The following ARHGEF1 variants were observed in gnomAD, a reference collection of about 807,000 sequenced individuals.
ARHGEF1 encodes Rho guanine nucleotide exchange factor 1.
A neutral mutation model predicts 119.7 loss-of-function variants in ARHGEF1; 40 were observed. That is an observed-to-expected ratio of 0.33 (90% CI 0.26 to 0.44). ARHGEF1 has a LOEUF of 0.44. Among genes scored for constraint, ARHGEF1 ranks in the 20% least tolerant of loss-of-function variants. The probability of loss-of-function intolerance (pLI) is 1.00; values close to 1 mark genes in which losing one functional copy is unlikely to be tolerated. For missense variants in ARHGEF1, 976 were observed against 1,268.3 expected, an observed-to-expected ratio of 0.77 and a Z score of 3.50; for synonymous variants, 494 against 521.0, an observed-to-expected ratio of 0.95 and a Z score of 0.71.
At chr19:41,891,521 T>G (rs2074376243) in intron 4 of ARHGEF1, among the ~76,000 whole-genome samples, 1 of 152,224 alleles carries the variant, frequency 6.6e-6, no homozygotes, top group Non-Finnish European at 1.5e-5. Context: ...TGACCTCATG[T>G]GATCCACCTG....
rs1205179098 is a variant in ARHGEF1, at chr19:41,928,857, C to T, written c.169C>T (p.Arg57Ter). 2.2e-6 allele frequency: 1 copy of T among 453,996 alleles called. No individual in the cohort carries two copies. Among genetic ancestry groups the T allele is most frequent in the East Asian group, 7.0e-5 (1 of 14,304 alleles). The allele number at this position is 453,996 out of a possible 1,614,324, so 28.1% of individuals were successfully genotyped here. A position where few individuals can be genotyped will look rare whatever the true frequency, so the allele number is the denominator to read the frequency against. ...GGACGCGCGGACAAACGGACAGGCG[C>T]GAGGTGGAGGTGGCGACGATGCGTC... The change falls in exon 2 of 3, where the codon CGA becomes TGA. Residue 57 changes from arginine (R) to a stop codon, truncating the protein, a stop_gained. Coordinates refer to the ARHGEF1 transcript ENST00000594417. LOFTEE classifies it high-confidence loss of function.
Position 41,902,840 on chromosome 19 carries a change from G to A in ARHGEF1, c.1680G>A (p.Thr560=), listed in dbSNP as rs782536666. The part of the protein sequence containing the change: ...RRLQLKDMIP[T]EMQRLTKYPL... ...TGCAGCTGAAGGACATGATCCCCAC[G>A]GAGATGCAGCGGCTGACCAAGTACC... Residue 560 remains threonine, a synonymous_variant, in exon 18 of 29, where the codon ACG becomes ACA. Transcript: ENST00000354532. This position sits in a 1 kb window ranked among gnomAD's most constrained non-coding sequence, Gnocchi z 6.5. 15 of 1,613,178 alleles carry A rather than the reference G, an allele frequency of 9.3e-6. No homozygotes were observed. The highest frequency in any genetic ancestry group is 2.2e-5 in the East Asian group (1 of 44,898).
In ARHGEF1 at chr19:41,917,935, T is replaced by C. The variant is rs1308179772; in HGVS notation, c.1866-5157T>C. 2.6e-5 allele frequency among the ~76,000 whole-genome samples: 4 copies of C among 151,848 alleles called. No individual in the cohort carries two copies. The highest frequency in any genetic ancestry group is 9.7e-5 in the African/African-American group (4 of 41,258). On this transcript the variant is annotated intron_variant, in intron 18 of 20. Coordinates refer to the ARHGEF1 transcript ENST00000599589. This position sits in a 1 kb window ranked among gnomAD's most constrained non-coding sequence, Gnocchi z 4.8. ...CCCGCGGTCACACACTGTGTGTGTG[T>C]GTGCTCACACACCTGTCCGTCCAGA...
chr19:41,905,872 C>G lies in ARHGEF1; in HGVS notation c.2404+45C>G. 2 of 1,613,642 alleles carry G rather than the reference C, an allele frequency of 1.2e-6. No individual in the cohort carries two copies. The highest frequency in any genetic ancestry group is 1.7e-6 in the Non-Finnish European group (2 of 1,179,610). On this transcript the variant is annotated intron_variant, in intron 25 of 28. Coordinates refer to ENST00000354532, the MANE Select transcript of ARHGEF1 (RefSeq NM_004706.4). This position sits in a 1 kb window ranked among gnomAD's most constrained non-coding sequence, Gnocchi z 6.4. ...GGGTGAGGGGCCAGGTTGGGGCTGC[C>G]GGGTGAAGAGAGGCATCCACAGGAG...
chr19:41,896,372 C>T lies in ARHGEF1; in HGVS notation c.1016-5C>T, dbSNP rs201322553. 1.4e-4 allele frequency: 204 copies of T among 1,427,076 alleles called. No individual in the cohort carries two copies. In the African/African-American group the frequency reaches 2.6e-3, roughly 18 times the overall value. The allele number at this position is 1,427,076 out of a possible 1,614,324, so 88.4% of individuals were successfully genotyped here. ...CCAGCCAGCCCTGCTCCCTCCACCCCACAGGTGCTGACGCCCCCCTGGAGC... is the reference window on the plus strand; with the variant it reads ...CCAGCCAGCCCTGCTCCCTCCACCCTACAGGTGCTGACGCCCCCCTGGAGC... On this transcript the variant is annotated splice_polypyrimidine_tract_variant and splice_region_variant and intron_variant, in intron 12 of 28. Transcript: ENST00000354532.
Position 41,901,997 on chromosome 19 carries a change from A to G in ARHGEF1, c.1378A>G (p.Ile460Val), listed in dbSNP as rs2074611699. The G allele has an allele frequency of 6.2e-7, 1 of 1,613,904 alleles. No homozygotes were observed. ...CTTCCCCTTGGAGGAGCTGCAGAAC[A>G]TCTTCCCCAGCCTGGACGAGCTCAT... is the stretch of plus-strand genomic sequence containing the variant. ...LFFPLEELQN[I>V]FPSLDELIEV... Residue 460 changes from isoleucine (I) to valine (V), a missense_variant, in exon 15 of 29, where the codon ATC (isoleucine) becomes GTC (valine). Ile to Val is a conservative substitution (Grantham distance 29). This residue lies in a region of ARHGEF1 where 286 missense variants were observed against 506.8 expected (regional missense o/e 0.56). Coordinates refer to ENST00000354532, the MANE Select transcript of ARHGEF1 (RefSeq NM_004706.4).
chr19:41,909,204 C>T, downstream of ARHGEF1: 7 of 1,231,448 alleles, frequency 5.7e-6, no homozygotes, highest in South Asian at 4.1e-5. This position sits in a 1 kb window ranked among gnomAD's most constrained non-coding sequence, Gnocchi z 5.2. Flanking sequence ...AGAAGCCGCC[C>T]TTCTCAGACT....
upstream of ARHGEF1, among the ~76,000 whole-genome samples, chr19:41,918,424 T>TCACA (rs201443484): frequency 2.7e-4 from 35 of 131,640 alleles, no homozygotes; most frequent in African/African-American, 8.9e-4. Flanking sequence ...CACACACATA[T>TCACA]CACACACACA....
intron 18 of ARHGEF1, among the ~76,000 whole-genome samples, chr19:41,915,294 C>T (rs547020804): frequency 3.3e-5 from 5 of 151,674 alleles, no homozygotes; most frequent in East Asian, 2.0e-4. Context: ...GTCTCACACG[C>T]GTCTCTGCCA....
At chr19:41,895,618 T>C in intron 12 of ARHGEF1, 132 bp downstream of exon 12, 1 of 977,262 alleles carries the variant, frequency 1.0e-6, no homozygotes, top group Non-Finnish European at 1.5e-6. Context: ...CATCCACTTC[T>C]CCCTGCTCCT....
intron 18 of ARHGEF1, among the ~76,000 whole-genome samples, chr19:41,915,812 G>A (rs1555851906): frequency 6.6e-6 from 1 of 152,142 alleles, no homozygotes; most frequent in Admixed American, 6.5e-5. Context: ...ACTGATGGAG[G>A]GAGCGCGGCC....
In ARHGEF1 at chr19:41,904,310, C is replaced by T; in HGVS notation, c.2088C>T (p.Pro696=). Residue 696 remains proline, a synonymous_variant, in exon 22 of 29, where the codon CCC becomes CCT. Coordinates refer to ENST00000354532, the MANE Select transcript of ARHGEF1 (RefSeq NM_004706.4). This position sits in a 1 kb window ranked among gnomAD's most constrained non-coding sequence, Gnocchi z 8.4. ...AGTCCCATAGCCGGACACTGACGCC[C>T]ACGCCCGATGGCAAGACCATGCTGC... ...LLKSHSRTLT[P]TPDGKTMLRP... The T allele has an allele frequency of 6.2e-7, 1 of 1,610,316 alleles. No individual in the cohort carries two copies. The highest frequency in any genetic ancestry group is 2.2e-5 in the East Asian group (1 of 44,794).
Position 41,892,833 on chromosome 19 carries a change from C to G in ARHGEF1, c.598C>G (p.His200Asp), listed in dbSNP as rs782117361. 6.4e-7 allele frequency: 1 copy of G among 1,558,828 alleles called. No homozygotes were observed. Among genetic ancestry groups the G allele is most frequent in the Non-Finnish European group, 8.6e-7 (1 of 1,156,178 alleles). The change falls in exon 7 of 29, where the codon CAC becomes GAC. Residue 200 changes from histidine (H) to aspartate (D), a missense_variant. His to Asp is a moderately conservative substitution (Grantham distance 81). Transcript: ENST00000354532. The surrounding 1 kb of genome is among the most constrained non-coding windows in gnomAD (Gnocchi z 6.3). ...GCACGTGGCGGAGCGGCTGCTCATG[C>G]ACCTGGAGGAGATGCAGTGAGTAGG... The part of the protein sequence containing the change: ...ERHVAERLLM[H>D]LEEMQHTIST...
chr19:41,907,086 C>A lies in ARHGEF1; in HGVS notation c.*18-19C>A. 6.7e-7 allele frequency: 1 copy of A among 1,491,934 alleles called. No individual in the cohort carries two copies. Among genetic ancestry groups the A allele is most frequent in the Non-Finnish European group, 8.9e-7 (1 of 1,127,634 alleles). 92.4% of individuals were successfully genotyped at this position (1,491,934 alleles called of 1,614,324 possible). The stretch of plus-strand genomic sequence containing the variant: ...CTCTCCATCTCTCCCCGTCTCCCCT[C>A]TTCTCCTACATCCCCCAGGCCTTTT... On this transcript the variant is annotated intron_variant, in intron 28 of 28. Coordinates refer to ENST00000354532, the MANE Select transcript of ARHGEF1 (RefSeq NM_004706.4).
intron 11 of ARHGEF1, 86 bp downstream of exon 11, chr19:41,894,747 G>T: frequency 7.0e-7 from 1 of 1,427,776 alleles, no homozygotes; most frequent in South Asian, 1.4e-5. Flanking sequence ...AGGGAGGAGG[G>T]GCTGGGACCT....
chr19:41,927,262 C>T (rs900340795), intron 1 of ARHGEF1, among the ~76,000 whole-genome samples: 3 of 152,020 alleles, frequency 2.0e-5, no homozygotes, highest in Non-Finnish European at 4.4e-5. Context: ...AAAGGGTGTC[C>T]CAGAGGGCCC....
In ARHGEF1 at chr19:41,888,060, C is replaced by T. The variant is rs2074321605; in HGVS notation, c.-19-4C>T. 6.2e-7 allele frequency: 1 copy of T among 1,612,624 alleles called. No individual in the cohort carries two copies. The highest frequency in any genetic ancestry group is 8.5e-7 in the Non-Finnish European group (1 of 1,179,814). On this transcript the variant is annotated splice_region_variant and splice_polypyrimidine_tract_variant and intron_variant, in intron 1 of 28. Transcript: ENST00000354532. This position sits in a 1 kb window ranked among gnomAD's most constrained non-coding sequence, Gnocchi z 5.1. ...CCTAACCACAGCCCCTCCTCTTCCT[C>T]CAGCCCTGCAGAGCCCAGGGAGATG...
At chr19:41,918,807 ACAC>A (rs565148199), upstream of ARHGEF1, among the ~76,000 whole-genome samples, 125 of 149,428 alleles carry the variant, frequency 8.4e-4, no homozygotes, top group East Asian at 1.8e-3. Context: ...CCATACACAC[ACAC>A]CACATCACTC....
upstream of ARHGEF1, among the ~76,000 whole-genome samples, chr19:41,918,655 C>T (rs554730049): frequency 6.6e-6 from 1 of 150,448 alleles, no homozygotes; most frequent in Non-Finnish European, 1.5e-5. Flanking sequence ...ACACACAGTA[C>T]ATACACTACC....
Sources: gnomAD v4.1 joint callset for allele counts (sites outside exome capture counted in the v4.1 genomes callset) on GRCh38, gnomAD v4.1.1 for gene constraint, gnomAD v4.1.1 regional missense constraint, Gnocchi (gnomAD v3.1) non-coding constraint, MANE v1.5 for transcripts, NCBI Gene and HGNC (gene_info 2026-07-23, HGNC 2026-07-21) for gene names.